Variants in PCDHGB3 observed in about 807,000 individuals in gnomAD.
PCDHGB3 encodes protocadherin gamma subfamily B, 3.
PCDHGB3 carries 40 observed loss-of-function variants against 59.2 expected under a neutral mutation model. The ratio of observed to expected loss-of-function variants is 0.68; its 90% CI spans 0.52 to 0.88. The LOEUF (loss-of-function observed/expected upper bound fraction) is 0.88, where lower values mean the gene tolerates loss of function less well. Among genes scored for constraint, PCDHGB3 ranks in the 40% least tolerant of loss-of-function variants. The pLI, the probability that PCDHGB3 is intolerant of heterozygous loss-of-function variation, is 0.00. For synonymous variants in PCDHGB3, 581 were observed against 503.6 expected (o/e 1.15, Z -2.06); for missense variants, 1,309 against 1,187.9 (o/e 1.10, Z -1.50).
At position 141,371,790 on chromosome 5, in the gene PCDHGB3, C is replaced by A; in HGVS notation, c.1396C>A (p.Pro466Thr). 6.2e-7 allele frequency: 1 copy of A among 1,613,956 alleles called. No homozygotes were observed. Among genetic ancestry groups the A allele is most frequent in the Middle Eastern group, 1.6e-4 (1 of 6,062 alleles). ...CACCGTGCATGTAGCTGAGAACAATCCGCCTGGAGCCTCCATTGCGCATGT... is the reference window on the plus strand; with the variant it reads ...CACCGTGCATGTAGCTGAGAACAATACGCCTGGAGCCTCCATTGCGCATGT... Reference protein sequence around the residue: ...SYTVHVAENNPPGASIAHVRA... With the variant: ...SYTVHVAENNTPGASIAHVRA... Residue 466 changes from proline to threonine, a missense_variant, in exon 1 of 4, where the codon CCG becomes ACG. Physicochemically the swap from Pro to Thr is conservative, Grantham distance 38. Coordinates refer to ENST00000576222, the MANE Select transcript of PCDHGB3 (RefSeq NM_018924.5).
chr5:141,480,240 C>CAA (rs11374694), intron 1 of PCDHGB3, among the ~76,000 whole-genome samples: 156 of 114,060 alleles, frequency 1.4e-3, no homozygotes, highest in Admixed American at 4.6e-3. Flanking sequence ...CCTGTCTCTA[C>CAA]AAAAAAAAAA....
intron 1 of PCDHGB3, among the ~76,000 whole-genome samples, chr5:141,435,157 A>G (rs1387976305): frequency 6.6e-6 from 1 of 152,176 alleles, no homozygotes; most frequent in Non-Finnish European, 1.5e-5. Context: ...AAACTTTTGT[A>G]AATAGAGTGG....
chr5:141,432,435 C>T lies in PCDHGB3; in HGVS notation c.2415+59626C>T. 1 of 1,614,212 alleles carries T rather than the reference C, an allele frequency of 6.2e-7. No homozygotes were observed. Among genetic ancestry groups the T allele is most frequent in the Non-Finnish European group, 8.5e-7 (1 of 1,180,038 alleles). The stretch of plus-strand genomic sequence containing the variant: ...TTCGTGCTGGACCAGAACGACAATG[C>T]GCCCGAGATCCTGTACCCCGCCCTC... On this transcript the variant is annotated intron_variant, in intron 1 of 3. Transcript: ENST00000576222. This position sits in a 1 kb window ranked among gnomAD's most constrained non-coding sequence, Gnocchi z 6.0.
chr5:141,455,093 T>C (rs2098812615), intron 1 of PCDHGB3, among the ~76,000 whole-genome samples: 1 of 152,060 alleles, frequency 6.6e-6, no homozygotes, highest in African/African-American at 2.4e-5. Context: ...ATTACAGGCT[T>C]GAGCCACTGC....
intron 1 of PCDHGB3, chr5:141,400,105 T>C (rs1282646842): frequency 6.2e-7 from 1 of 1,613,938 alleles, no homozygotes; most frequent in Non-Finnish European, 8.5e-7. Context: ...GCACTTGGTC[T>C]TTGCTGACAG....
At position 141,485,568 on chromosome 5, in the gene PCDHGB3, G is replaced by T. The variant is rs1020556289; in HGVS notation, c.2416-9239G>T. 6.2e-7 allele frequency: 1 copy of T among 1,612,758 alleles called. No homozygotes were observed. Among genetic ancestry groups the T allele is most frequent in the Non-Finnish European group, 8.5e-7 (1 of 1,178,924 alleles). On this transcript the variant is annotated intron_variant, in intron 1 of 3. Coordinates refer to ENST00000576222, the MANE Select transcript of PCDHGB3 (RefSeq NM_018924.5). The surrounding 1 kb of genome is among the most constrained non-coding windows in gnomAD (Gnocchi z 5.7). Reference sequence around the variant, plus strand: ...GTAGATGTGAATGATCACGCCCCCCGTTTTCCGCGGCAGCAGCTGGACTTG... The same window carrying T: ...GTAGATGTGAATGATCACGCCCCCCTTTTTCCGCGGCAGCAGCTGGACTTG...
At chr5:141,470,872 T>TTTTTTG (rs900302332) in intron 1 of PCDHGB3, among the ~76,000 whole-genome samples, 2 of 151,814 alleles carry the variant, frequency 1.3e-5, no homozygotes, top group Admixed American at 1.3e-4. Context: ...GTTTGTTTGT[T>TTTTTTG]TTTTTGTTTT....
Position 141,370,267 on chromosome 5 carries a change from C to T in PCDHGB3, c.-128C>T. On this transcript the variant is annotated 5_prime_UTR_variant, in exon 1 of 4. Coordinates refer to ENST00000576222, the MANE Select transcript of PCDHGB3 (RefSeq NM_018924.5). ...GCACTCTCTATCAGGCTTCCTGCAG[C>T]GGAGACACCCATTAGAGAACCCAAG... The T allele has an allele frequency of 6.5e-6, 5 of 767,402 alleles. No homozygotes were observed. The East Asian group carries it at 1.1e-4, about 17-fold the overall frequency. 47.5% of individuals were successfully genotyped at this position (767,402 alleles called of 1,614,324 possible). A position where few individuals can be genotyped will look rare whatever the true frequency, so the allele number is the denominator to read the frequency against.
intron 1 of PCDHGB3, chr5:141,392,652 A>T: frequency 1.4e-6 from 1 of 713,126 alleles, no homozygotes; most frequent in South Asian, 2.2e-5. Flanking sequence ...GAAGACCCGC[A>T]GATGCCACAA....
intron 1 of PCDHGB3, chr5:141,393,536 T>G: frequency 6.2e-7 from 1 of 1,613,934 alleles, no homozygotes; most frequent in South Asian, 1.1e-5. Flanking sequence ...ATGCCCCGGT[T>G]TTTCCTCACC....
At chr5:141,473,635 C>A (rs945632106) in intron 1 of PCDHGB3, among the ~76,000 whole-genome samples, 1 of 152,128 alleles carries the variant, frequency 6.6e-6, no homozygotes, top group African/African-American at 2.4e-5. Flanking sequence ...AGCAGCTTTC[C>A]TGGCAAAGGA....
chr5:141,399,708 A>G lies in PCDHGB3; in HGVS notation c.2415+26899A>G, dbSNP rs769072460. On this transcript the variant is annotated intron_variant, in intron 1 of 3. Transcript: ENST00000576222. ...AGCAGCTGCGCACCTTCGAACTCAC[A>G]CTACAGGCCCGCGACCAGGGCTCGC... 5.6e-6 allele frequency: 9 copies of G among 1,613,256 alleles called. No homozygotes were observed. In the African/African-American group the frequency reaches 8.0e-5, roughly 14 times the overall value.
intron 1 of PCDHGB3, among the ~76,000 whole-genome samples, chr5:141,445,332 A>G (rs1364481039): frequency 1.4e-4 from 22 of 152,140 alleles, no homozygotes; most frequent in Admixed American, 1.4e-3. Context: ...CCATCCAGAA[A>G]CAGTAAACAT....
rs1460175237 is a variant in PCDHGB3, at chr5:141,485,185, G to A, written c.2416-9622G>A. ...AGCGGGCGGCAGCAATGCTCCGCAAGGTGAGAAGCTGGACAGAAATCTGGC... is the reference window on the plus strand; with the variant it reads ...AGCGGGCGGCAGCAATGCTCCGCAAAGTGAGAAGCTGGACAGAAATCTGGC... On this transcript the variant is annotated intron_variant, in intron 1 of 3. Transcript: ENST00000576222. This position sits in a 1 kb window ranked among gnomAD's most constrained non-coding sequence, Gnocchi z 5.7. 3.1e-6 allele frequency: 5 copies of A among 1,613,528 alleles called. No individual in the cohort carries two copies. Among genetic ancestry groups the A allele is most frequent in the African/African-American group, 2.7e-5 (2 of 75,052 alleles).
At chr5:141,424,540 T>G (rs944656560) in intron 1 of PCDHGB3, 1 of 152,244 alleles carries the variant, frequency 6.6e-6, no homozygotes, top group Admixed American at 6.5e-5. Flanking sequence ...TAGAAATAAC[T>G]TGATTTTGAT....
rs1475572413 is a variant in PCDHGB3, at chr5:141,432,843, T to G, written c.2415+60034T>G. The G allele has an allele frequency of 6.2e-7, 1 of 1,614,066 alleles. No homozygotes were observed. The highest frequency in any genetic ancestry group is 8.5e-7 in the Non-Finnish European group (1 of 1,180,020). ...TCAGACCTCACTCTGTACCTGGTGGTAGCGGTGGCCGCGGTCTCCTGCGTC... is the reference window on the plus strand; with the variant it reads ...TCAGACCTCACTCTGTACCTGGTGGGAGCGGTGGCCGCGGTCTCCTGCGTC... On this transcript the variant is annotated intron_variant, in intron 1 of 3. Coordinates refer to ENST00000576222, the MANE Select transcript of PCDHGB3 (RefSeq NM_018924.5). This position sits in a 1 kb window ranked among gnomAD's most constrained non-coding sequence, Gnocchi z 6.0.
chr5:141,389,799 C>T (rs763321545), intron 1 of PCDHGB3: 2 of 1,613,678 alleles, frequency 1.2e-6, no homozygotes, highest in Non-Finnish European at 1.7e-6. Context: ...CGTCCGCCAG[C>T]GCCTTCTGGT....
Position 141,431,655 on chromosome 5 carries a change from G to A in PCDHGB3, c.2415+58846G>A, listed in dbSNP as rs199998405. On this transcript the variant is annotated intron_variant, in intron 1 of 3. Transcript: ENST00000576222. This position sits in a 1 kb window ranked among gnomAD's most constrained non-coding sequence, Gnocchi z 4.8. Reference sequence around the variant, plus strand: ...GTTTTCAAACTAGATTGTAATTCAGGGACAATATCAACAATAGGGGAGTTG... The same window carrying A: ...GTTTTCAAACTAGATTGTAATTCAGAGACAATATCAACAATAGGGGAGTTG... 52 of 1,614,208 alleles carry A rather than the reference G, an allele frequency of 3.2e-5. No individual in the cohort carries two copies. The highest frequency in any genetic ancestry group is 3.3e-4 in the Middle Eastern group (2 of 6,062).
At chr5:141,507,852 T>C (rs556569001) in intron 3 of PCDHGB3, among the ~76,000 whole-genome samples, 25 of 152,118 alleles carry the variant, frequency 1.6e-4, no homozygotes, top group Non-Finnish European at 2.6e-4. Context: ...CTGCTCTCAC[T>C]TTCACACCCG....
Sources: allele counts gnomAD v4.1 joint callset (sites outside exome capture counted in the v4.1 genomes callset), GRCh38; gene constraint gnomAD v4.1.1; non-coding constraint Gnocchi (gnomAD v3.1); transcripts MANE v1.5; gene names NCBI Gene and HGNC (gene_info 2026-07-23, HGNC 2026-07-21).